Variants in TM9SF4 observed in about 807,000 individuals in gnomAD.
TM9SF4 encodes the protein transmembrane 9 superfamily member 4.
TM9SF4 carries 26 observed loss-of-function variants against 90.4 expected under a neutral mutation model. The ratio of observed to expected loss-of-function variants is 0.29; its 90% CI spans 0.21 to 0.40. The LOEUF (loss-of-function observed/expected upper bound fraction) is 0.40. Ranked by LOEUF, TM9SF4 falls within the 10% of genes least tolerant of loss-of-function variation. The pLI, the probability that TM9SF4 is intolerant of heterozygous loss-of-function variation, is 1.00. For synonymous variants in TM9SF4, 293 were observed against 315.4 expected, an observed-to-expected ratio of 0.93 and a Z score of 0.75; for missense variants, 549 against 834.8, an observed-to-expected ratio of 0.66 and a Z score of 4.22.
intron 13 of TM9SF4, among the ~76,000 whole-genome samples, chr20:32,157,011 GGTCTCA>G (rs1460570494): frequency 6.8e-6 from 1 of 146,338 alleles, no homozygotes; most frequent in Non-Finnish European, 1.5e-5. Context: ...GGAGTGGCAA[GGTCTCA>G]GTTCACTGCA....
At chr20:32,123,217 GAGGGGGAGAGGGAGA>G (rs2046360626) in intron 1 of TM9SF4, among the ~76,000 whole-genome samples, 2 of 12,718 alleles carry the variant, frequency 1.6e-4, no homozygotes, top group Non-Finnish European at 3.3e-4. Context: ...GGGGAGGGGG[GAGGGGGAGAGGGAGA>G]GGGAGAGGCT....
intron 8 of TM9SF4, among the ~76,000 whole-genome samples, chr20:32,145,669 C>T (rs182460743): frequency 2.1e-3 from 316 of 152,292 alleles, no homozygotes; most frequent in Non-Finnish European, 3.5e-3. Context: ...ATTCTTGATT[C>T]ATTCAACAAG....
intron 9 of TM9SF4, among the ~76,000 whole-genome samples, chr20:32,149,180 G>A (rs551771629): frequency 7.9e-5 from 12 of 152,106 alleles, no homozygotes; most frequent in East Asian, 5.8e-4. Flanking sequence ...TTTTTATATC[G>A]TTCTGTTTAA....
At chr20:32,136,006 T>G in intron 2 of TM9SF4, 68 bp from the exon 3 acceptor site, 1 of 1,365,914 alleles carries the variant, frequency 7.3e-7, no homozygotes, top group Non-Finnish European at 1.0e-6. Context: ...TATTACCAAG[T>G]GTACTAAAGA....
chr20:32,123,867 T>TATATATATATATATATATA (rs1555882288), intron 1 of TM9SF4, among the ~76,000 whole-genome samples: 1 of 48,024 alleles, frequency 2.1e-5, no homozygotes, highest in East Asian at 3.7e-3. Flanking sequence ...TATATATATA[T>TATATATATATATATATATA]TTTTTTTTTT....
chr20:32,116,862 C>CTTTTTTTT (rs201365030), intron 1 of TM9SF4, among the ~76,000 whole-genome samples: 314 of 95,896 alleles, frequency 3.3e-3, no homozygotes, highest in Non-Finnish European at 4.3e-3. Context: ...TTTCCTTTTT[C>CTTTTTTTT]TTTTTTTTTT....
intron 1 of TM9SF4, among the ~76,000 whole-genome samples, chr20:32,121,486 A>C (rs969329472): frequency 6.6e-6 from 1 of 151,998 alleles, no homozygotes; most frequent in Admixed American, 6.6e-5. Context: ...CTGAGTGGAC[A>C]CAGCACATGT....
chr20:32,162,879 A>C (rs1391192817), intron 17 of TM9SF4, among the ~76,000 whole-genome samples: 1 of 152,234 alleles, frequency 6.6e-6, no homozygotes, highest in African/African-American at 2.4e-5. Context: ...AAAAGGGAAA[A>C]AAAGTAGCTT....
At chr20:32,142,352 CTAA>C (rs2122409956) in intron 5 of TM9SF4, among the ~76,000 whole-genome samples, 1 of 152,222 alleles carries the variant, frequency 6.6e-6, no homozygotes, top group Admixed American at 6.5e-5. Context: ...GGAGAATCAG[CTAA>C]TAATGTGATG....
intron 1 of TM9SF4, among the ~76,000 whole-genome samples, chr20:32,123,471 G>T (rs2046365817): frequency 7.7e-6 from 1 of 130,188 alleles, no homozygotes; most frequent in Admixed American, 7.8e-5. Flanking sequence ...TTTGTGTTTG[G>T]CCATTTGAGC....
chr20:32,153,721 G>T (rs1445494751), intron 12 of TM9SF4, among the ~76,000 whole-genome samples: 1 of 152,158 alleles, frequency 6.6e-6, no homozygotes, highest in Non-Finnish European at 1.5e-5. Context: ...TCCAGCCTGA[G>T]TGACAGAGTG....
At chr20:32,160,383 TC>T (rs1161057814) in intron 16 of TM9SF4, among the ~76,000 whole-genome samples, 1 of 152,178 alleles carries the variant, frequency 6.6e-6, no homozygotes, top group Non-Finnish European at 1.5e-5. Flanking sequence ...CCAAGTCCAC[TC>T]CAGTAGTAGT....
chr20:32,163,268 AAT>A (rs1186662308), intron 17 of TM9SF4, among the ~76,000 whole-genome samples: 768 of 74,388 alleles, frequency 0.01, 15 homozygotes, highest in Non-Finnish European at 0.013. Flanking sequence ...AAAAAAAAAA[AAT>A]ATATATATAT....
At chr20:32,121,703 C>T (rs1310463115) in intron 1 of TM9SF4, among the ~76,000 whole-genome samples, 5 of 152,236 alleles carry the variant, frequency 3.3e-5, no homozygotes. Context: ...GGCCCGCTCT[C>T]AATGAGCTGT....
intron 2 of TM9SF4, 41 bp downstream of exon 2, chr20:32,133,167 A>G: frequency 6.3e-7 from 1 of 1,587,412 alleles, no homozygotes; most frequent in Non-Finnish European, 8.6e-7. Context: ...TGTGCTAGGC[A>G]GTGTGTCTGG....
At chr20:32,152,450 C>A (rs1418191327) in intron 12 of TM9SF4, among the ~76,000 whole-genome samples, 2 of 151,760 alleles carry the variant, frequency 1.3e-5, no homozygotes, top group Non-Finnish European at 2.9e-5. Flanking sequence ...TGCCTCATTC[C>A]TTCTCAGACA....
intron 1 of TM9SF4, among the ~76,000 whole-genome samples, chr20:32,116,862 C>CTTTTTTTTTTTTTTTTTT (rs201365030): frequency 1.6e-4 from 15 of 95,856 alleles, no homozygotes; most frequent in Non-Finnish European, 2.0e-4. Context: ...TTTCCTTTTT[C>CTTTTTTTTTTTTTTTTTT]TTTTTTTTTT....
At chr20:32,115,654 T>G (rs981459316) in intron 1 of TM9SF4, among the ~76,000 whole-genome samples, 1 of 152,160 alleles carries the variant, frequency 6.6e-6, no homozygotes, top group East Asian at 1.9e-4. Context: ...TCTGAGAATC[T>G]GGGCTAGACT....
intron 1 of TM9SF4, among the ~76,000 whole-genome samples, chr20:32,125,111 G>A (rs564477462): frequency 6.6e-6 from 1 of 152,088 alleles, no homozygotes; most frequent in Non-Finnish European, 1.5e-5. Context: ...CTCAGCTCAC[G>A]GTGACGGTTG....
Sources: allele counts gnomAD v4.1 joint callset (sites outside exome capture counted in the v4.1 genomes callset), GRCh38; gene constraint gnomAD v4.1.1; transcripts MANE v1.5; gene names NCBI Gene and HGNC (gene_info 2026-07-23, HGNC 2026-07-21).